The following NUMBL variants were observed in gnomAD, a reference collection of about 807,000 sequenced individuals.
NUMBL encodes the protein numb-like protein.
In NUMBL, 20 loss-of-function variants were observed where a neutral mutation model predicts 48.9. The observed-to-expected ratio is 0.41, with a 90% CI of 0.29 to 0.59. The LOEUF (loss-of-function observed/expected upper bound fraction) is 0.59, where lower values mean the gene tolerates loss of function less well. NUMBL is among the 20% of genes least tolerant of loss of function. The pLI, the probability that NUMBL is intolerant of heterozygous loss-of-function variation, is 0.31. For missense variants in NUMBL, 660 were observed against 846.2 expected (o/e 0.78, Z 2.73); for synonymous variants, 340 against 348.7 (o/e 0.98, Z 0.28).
At position 40,684,529 on chromosome 19, in the gene NUMBL, C is replaced by G; in HGVS notation, c.137G>C (p.Arg46Pro). 1 of 1,609,842 alleles carries G rather than the reference C, an allele frequency of 6.2e-7. No homozygotes were observed. The highest frequency in any genetic ancestry group is 8.5e-7 in the Non-Finnish European group (1 of 1,178,070). Residue 46 changes from arginine to proline, a missense_variant, in exon 3 of 10, where the codon CGG (arginine) becomes CCG (proline). Arg to Pro is a moderately radical substitution (Grantham distance 103, BLOSUM62 -2). Coordinates refer to ENST00000252891, the MANE Select transcript of NUMBL (RefSeq NM_004756.5). ...PDGAGTMNKL[R>P]QSLRRRKPAY... ...TGGCTTCCTCCGCCGCAGGCTCTGC[C>G]GTAACTTGTTCATGGTGCCCGCCCC... is the stretch of plus-strand genomic sequence containing the variant.
intron 6 of NUMBL, among the ~76,000 whole-genome samples, chr19:40,678,919 C>T (rs2081891509): frequency 6.6e-6 from 1 of 151,954 alleles, no homozygotes; most frequent in South Asian, 2.1e-4. Flanking sequence ...GGTGAAACCC[C>T]ATCTCTACTA....
intron 9 of NUMBL, among the ~76,000 whole-genome samples, chr19:40,668,490 TGA>T (rs1296685448): frequency 6.6e-6 from 1 of 152,158 alleles, no homozygotes; most frequent in Non-Finnish European, 1.5e-5. Flanking sequence ...CTGTTCGTTT[TGA>T]GAGTCTCACT....
intron 2 of NUMBL, 60 bp downstream of exon 2, chr19:40,686,851 T>TCACA (rs947839081): frequency 2.1e-5 from 22 of 1,030,894 alleles, no homozygotes; most frequent in Non-Finnish European, 3.1e-5. Flanking sequence ...GCTCCTCTGG[T>TCACA]CGTGTTAGGC....
Position 40,682,651 on chromosome 19 carries a change from G to A in NUMBL, c.399+77C>T, listed in dbSNP as rs1022976368. 4.0e-5 allele frequency: 56 copies of A among 1,382,916 alleles called. No individual in the cohort carries two copies. Among genetic ancestry groups the A allele is most frequent in the Non-Finnish European group, 4.8e-5 (47 of 986,792 alleles). 85.7% of individuals were successfully genotyped at this position (1,382,916 alleles called of 1,614,324 possible). A position where few individuals can be genotyped will look rare whatever the true frequency, so the allele number is the denominator to read the frequency against. On this transcript the variant is annotated intron_variant, in intron 5 of 9. Coordinates refer to ENST00000252891, the MANE Select transcript of NUMBL (RefSeq NM_004756.5). This position sits in a 1 kb window ranked among gnomAD's most constrained non-coding sequence, Gnocchi z 4.0. ...TGAGGGAGGGATGTGCAGAGGAGGC[G>A]GGAAGGTGTCCTCCGCCCTGATTCC... is the stretch of plus-strand genomic sequence containing the variant.
chr19:40,670,076 C>A, intron 8 of NUMBL, 56 bp from the exon 9 acceptor site: 1 of 1,579,854 alleles, frequency 6.3e-7, no homozygotes, highest in East Asian at 2.3e-5. Context: ...TGCCGCAGCC[C>A]CGCCCTCTAC....
intron 7 of NUMBL, among the ~76,000 whole-genome samples, chr19:40,676,163 G>A (rs186658521): frequency 6.6e-6 from 1 of 152,330 alleles, no homozygotes; most frequent in African/African-American, 2.4e-5. Context: ...GGCTGAGGTG[G>A]GAGGATCGTT....
intron 6 of NUMBL, among the ~76,000 whole-genome samples, chr19:40,677,667 A>G (rs1450274421): frequency 6.6e-6 from 1 of 152,096 alleles, no homozygotes; most frequent in Non-Finnish European, 1.5e-5. Flanking sequence ...GGCAAAACTA[A>G]TCTATGGTTC....
intron 9 of NUMBL, among the ~76,000 whole-genome samples, chr19:40,669,263 AGTTCTAGGATGATCCCATG>A (rs1181002628): frequency 2.6e-5 from 4 of 151,520 alleles, no homozygotes; most frequent in Non-Finnish European, 5.9e-5. Flanking sequence ...GATGATCCAT[AGTTCTAGGATGATCCCATG>A]GTTCTAAGGG....
chr19:40,682,807 A>T lies in NUMBL; in HGVS notation c.325-5T>A. On this transcript the variant is annotated splice_region_variant and splice_polypyrimidine_tract_variant and intron_variant, in intron 4 of 9. Transcript: ENST00000252891. The surrounding 1 kb of genome is among the most constrained non-coding windows in gnomAD (Gnocchi z 4.0). ...CTTCACGGACTTTCGGCCCATCTGG[A>T]GGGAGGCAAGGGGACAAAGGAGCCG... 6.2e-7 allele frequency: 1 copy of T among 1,614,144 alleles called. No homozygotes were observed. The highest frequency in any genetic ancestry group is 1.1e-5 in the South Asian group (1 of 91,084).
At chr19:40,671,584 G>T (rs1331115285) in intron 8 of NUMBL, among the ~76,000 whole-genome samples, 1 of 152,200 alleles carries the variant, frequency 6.6e-6, no homozygotes, top group Non-Finnish European at 1.5e-5. Flanking sequence ...TGATGGCCCA[G>T]GAATGCTGCA....
chr19:40,677,971 C>T (rs1301882972), intron 6 of NUMBL, among the ~76,000 whole-genome samples: 1 of 152,128 alleles, frequency 6.6e-6, no homozygotes, highest in African/African-American at 2.4e-5. Context: ...TGGGTGTATG[C>T]AGTTGTCGAA....
chr19:40,686,799 T>A (rs2081937248), intron 2 of NUMBL, 112 bp downstream of exon 2: 1 of 705,726 alleles, frequency 1.4e-6, no homozygotes, highest in African/African-American at 1.8e-5. Context: ...CCTGAGGGTG[T>A]CCACTCATGA....
chr19:40,676,515 T>G (rs909383349), intron 7 of NUMBL, among the ~76,000 whole-genome samples: 2 of 151,888 alleles, frequency 1.3e-5, no homozygotes, highest in African/African-American at 4.8e-5. Context: ...GGTCAGGAGT[T>G]GAGGCCAACA....
In NUMBL at chr19:40,686,904, C is replaced by T. The variant is rs546456636; in HGVS notation, c.109+7G>A. 64 of 1,532,328 alleles carry T rather than the reference C, an allele frequency of 4.2e-5. No homozygotes were observed. The highest frequency in any genetic ancestry group is 3.8e-4 in the South Asian group (32 of 83,670). 94.9% of individuals were successfully genotyped at this position (1,532,328 alleles called of 1,614,324 possible). ...CAGCCCTGCCCTGTCCCAGGCTGGT[C>T]GCTCACCTGGCTCCGTCCTGCAGGT... On this transcript the variant is annotated splice_region_variant and intron_variant, in intron 2 of 9. Transcript: ENST00000252891.
In NUMBL at chr19:40,690,573, T is replaced by G; in HGVS notation, c.-90A>C. ...TGCGGTGGTGGCGGCGGCAGCTCGG[T>G]CTGACGCCGGCCAGGGCCCGGGGCC... On this transcript the variant is annotated 5_prime_UTR_variant, in exon 1 of 10. Transcript: ENST00000252891. 5.1e-6 allele frequency: 4 copies of G among 790,238 alleles called. No homozygotes were observed. The highest frequency in any genetic ancestry group is 6.8e-6 in the Non-Finnish European group (4 of 588,916). 49.0% of individuals were successfully genotyped at this position (790,238 alleles called of 1,614,324 possible).
Position 40,688,736 on chromosome 19 carries a change from C to T in NUMBL, c.24+1724G>A, listed in dbSNP as rs184100594. On this transcript the variant is annotated intron_variant, in intron 1 of 9. Coordinates refer to ENST00000252891, the MANE Select transcript of NUMBL (RefSeq NM_004756.5). The surrounding 1 kb of genome is among the most constrained non-coding windows in gnomAD (Gnocchi z 4.6). The stretch of plus-strand genomic sequence containing the variant: ...ATTTCCTGGCACCAGCACGGAGACA[C>T]ATCCACAGCTTTAGTCACACACAAA... Among the ~76,000 whole-genome samples, 155 of 152,322 alleles carry T rather than the reference C, an allele frequency of 1.0e-3. No homozygotes were observed. The highest frequency in any genetic ancestry group is 3.6e-3 in the African/African-American group (148 of 41,560).
chr19:40,684,502 G>A lies in NUMBL; in HGVS notation c.164C>T (p.Ala55Val). The change falls in exon 3 of 10, where the codon GCC becomes GTC. Residue 55 changes from alanine to valine, a missense_variant. Ala to Val is a moderately conservative substitution (Grantham distance 64). Coordinates refer to ENST00000252891, the MANE Select transcript of NUMBL (RefSeq NM_004756.5). ...CGGGCGCGACGCCTCGGGCACGTAG[G>A]CTGGCTTCCTCCGCCGCAGGCTCTG... ...LRQSLRRRKP[A>V]YVPEASRPHQ... The A allele has an allele frequency of 6.2e-7, 1 of 1,604,142 alleles. No homozygotes were observed. The highest frequency in any genetic ancestry group is 8.5e-7 in the Non-Finnish European group (1 of 1,175,948).
At position 40,684,448 on chromosome 19, in the gene NUMBL, ACCGCGTCCT is replaced by A; in HGVS notation, c.209_217del (p.Glu70_Ala72del). 6.3e-7 allele frequency: 1 copy of A among 1,578,424 alleles called. No individual in the cohort carries two copies. Among genetic ancestry groups the A allele is most frequent in the Non-Finnish European group, 8.6e-7 (1 of 1,164,932 alleles). ...CGGGAAGCTGCACGTGCCCTTCCGC[ACCGCGTCCT>A]CGTCTGCCTGCCACTGGTGCGGGCG... On this transcript the variant is annotated inframe_deletion, in exon 3 of 10. Transcript: ENST00000252891.
Position 40,684,498 on chromosome 19 carries a change from G to A in NUMBL, c.168C>T (p.Tyr56=). ...GGTGCGGGCGCGACGCCTCGGGCAC[G>A]TAGGCTGGCTTCCTCCGCCGCAGGC... is the stretch of plus-strand genomic sequence containing the variant. ...RQSLRRRKPA[Y]VPEASRPHQW... The change falls in exon 3 of 10, where the codon TAC becomes TAT. Residue 56 remains tyrosine, a synonymous_variant. Transcript: ENST00000252891. The A allele has an allele frequency of 1.9e-6, 3 of 1,602,862 alleles. No individual in the cohort carries two copies. The highest frequency in any genetic ancestry group is 1.7e-6 in the Non-Finnish European group (2 of 1,175,280).
Sources: allele counts gnomAD v4.1 joint callset (sites outside exome capture counted in the v4.1 genomes callset), GRCh38; gene constraint gnomAD v4.1.1; non-coding constraint Gnocchi (gnomAD v3.1); transcripts MANE v1.5; gene names NCBI Gene and HGNC (gene_info 2026-07-23, HGNC 2026-07-21).